SI: variants seen among roughly 807,000 people sequenced by gnomAD.
SI encodes the protein sucrase-isomaltase, intestinal.
Under a neutral mutation model 253.3 loss-of-function variants are expected in SI, and 235 were observed. That is an observed-to-expected ratio of 0.93 (90% confidence interval 0.83 to 1.03). SI has a LOEUF of 1.03. Ranked by LOEUF, SI falls within the 50% of genes least tolerant of loss-of-function variation. SI has a pLI of 0.00. For synonymous variants in SI, 819 were observed against 712.0 expected (o/e 1.15, Z -2.39); for missense variants, 2,442 against 2,211.1 (o/e 1.10, Z -2.09).
intron 22 of SI, among the ~76,000 whole-genome samples, chr3:165,036,186 C>G (rs1486771377): frequency 6.6e-6 from 1 of 151,656 alleles, no homozygotes; most frequent in Non-Finnish European, 1.5e-5. Context: ...AAGCACAAAA[C>G]TGGATATTTT....
At chr3:165,041,940 A>G (rs1009986450) in intron 17 of SI, among the ~76,000 whole-genome samples, 2 of 151,754 alleles carry the variant, frequency 1.3e-5, no homozygotes, top group Non-Finnish European at 2.9e-5. Flanking sequence ...TCCCTGAAGG[A>G]CTCCCCACTC....
intron 37 of SI, among the ~76,000 whole-genome samples, chr3:165,004,366 A>T (rs1718401662): frequency 6.6e-6 from 1 of 152,196 alleles, no homozygotes; most frequent in Non-Finnish European, 1.5e-5. Context: ...GTAAATTCAT[A>T]CAACCACTAT....
intron 37 of SI, among the ~76,000 whole-genome samples, chr3:165,005,500 A>T (rs999992665): frequency 6.6e-6 from 1 of 152,154 alleles, no homozygotes; most frequent in African/African-American, 2.4e-5. Context: ...CTTAAAAAAA[A>T]TCTAAACCCT....
chr3:165,046,324 TGA>T (rs1713111339), intron 16 of SI, among the ~76,000 whole-genome samples: 1 of 152,112 alleles, frequency 6.6e-6, no homozygotes, highest in East Asian at 1.9e-4. Context: ...TGTTTTTGTT[TGA>T]TAGAGTTAGA....
chr3:165,039,772 T>C (rs575233488), intron 19 of SI, 115 bp downstream of exon 19: 1 of 780,464 alleles, frequency 1.3e-6, no homozygotes, highest in African/African-American at 1.7e-5. Flanking sequence ...ACTTGATGTT[T>C]ATCAGCTTGA....
chr3:164,980,690 T>C (rs142155631), intron 47 of SI, among the ~76,000 whole-genome samples: 131 of 152,106 alleles, frequency 8.6e-4, no homozygotes, highest in Admixed American at 3.0e-3. Context: ...TTAAAATTCT[T>C]TGTGAATGTT....
chr3:165,029,783 G>C (rs777746154), intron 25 of SI, among the ~76,000 whole-genome samples: 4 of 150,262 alleles, frequency 2.7e-5, no homozygotes, highest in Non-Finnish European at 4.5e-5. Flanking sequence ...TGAATGCAAA[G>C]GGGAATGGAT....
At chr3:165,000,586 A>G (rs1305867138) in intron 37 of SI, among the ~76,000 whole-genome samples, 2 of 151,576 alleles carry the variant, frequency 1.3e-5, no homozygotes, top group South Asian at 2.1e-4. Flanking sequence ...AAATAAAACT[A>G]TAAAATAAAT....
At chr3:164,992,844 A>G (rs1258459679) in intron 41 of SI, among the ~76,000 whole-genome samples, 1 of 151,924 alleles carries the variant, frequency 6.6e-6, no homozygotes, top group Middle Eastern at 3.2e-3. Context: ...TCTAAATAGT[A>G]GATTTACATG....
intron 17 of SI, among the ~76,000 whole-genome samples, chr3:165,041,421 G>A (rs1175405273): frequency 6.6e-6 from 1 of 151,840 alleles, no homozygotes; most frequent in Non-Finnish European, 1.5e-5. Flanking sequence ...CCTTTATCAT[G>A]GAATGTTGTA....
At chr3:165,019,514 A>G (rs1719199785) in intron 28 of SI, 88 bp downstream of exon 28, 1 of 1,218,722 alleles carries the variant, frequency 8.2e-7, no homozygotes, top group Non-Finnish European at 1.2e-6. Flanking sequence ...CATTACTTCA[A>G]TCCTAAAGCA....
At chr3:165,046,805 A>C (rs543716092) in intron 16 of SI, 36 bp downstream of exon 16, 59 of 1,495,236 alleles carry the variant, frequency 3.9e-5, no homozygotes, top group South Asian at 1.6e-4. Context: ...ATGTAATTGT[A>C]GCTTTTATGA....
intron 28 of SI, among the ~76,000 whole-genome samples, chr3:165,019,158 T>C (rs1478433575): frequency 1.3e-5 from 2 of 151,872 alleles, no homozygotes; most frequent in Non-Finnish European, 2.9e-5. Context: ...AAGATGTAAT[T>C]AGCACTTTGG....
chr3:165,053,419 AG>A (rs1427791037), intron 13 of SI, among the ~76,000 whole-genome samples: 1 of 152,198 alleles, frequency 6.6e-6, no homozygotes, highest in African/African-American at 2.4e-5. Flanking sequence ...AATAATCTGA[AG>A]AAAGTGAAAT....
chr3:165,076,044 G>T, intron 1 of SI, 32 bp from the exon 2 acceptor site: 4 of 1,360,458 alleles, frequency 2.9e-6, no homozygotes, highest in Non-Finnish European at 4.1e-6. Context: ...TATTTAAAAT[G>T]TAAAATATAT....
chr3:165,063,387 GT>G, intron 8 of SI, 54 bp downstream of exon 8: 2 of 833,722 alleles, frequency 2.4e-6, no homozygotes, highest in South Asian at 2.9e-5. Flanking sequence ...AAAGAGAGCA[GT>G]TAAAACATTT....
chr3:165,006,141 G>A (rs1005954200), intron 37 of SI, among the ~76,000 whole-genome samples: 5 of 151,982 alleles, frequency 3.3e-5, no homozygotes, highest in African/African-American at 7.3e-5. Flanking sequence ...AGAGAGTCTC[G>A]CTCTGTTGCC....
Position 165,032,630 on chromosome 3 carries a change from C to A in SI, c.2628G>T (p.Gln876His). Residue 876 changes from glutamine to histidine, a missense_variant, in exon 24 of 48, where the codon CAG becomes CAT. Physicochemically the swap from Gln to His is conservative, Grantham distance 24. Transcript: ENST00000264382. ...CTGTCAACCCAAGGATTTTTACAGT[C>A]TGAAATGCTAAGGTAGTTCCTTCCT... The part of the protein sequence containing the change: ...SYQEGTTLAF[Q>H]TVKILGLTDS... 1 of 1,608,790 alleles carries A rather than the reference C, an allele frequency of 6.2e-7. No homozygotes were observed. The highest frequency in any genetic ancestry group is 1.1e-5 in the South Asian group (1 of 90,932).
intron 9 of SI, among the ~76,000 whole-genome samples, chr3:165,061,479 A>C (rs1053924868): frequency 6.6e-6 from 1 of 152,038 alleles, no homozygotes; most frequent in African/African-American, 2.4e-5. Flanking sequence ...TAAATGATTA[A>C]ACTGCAAAAA....
Sources: gnomAD v4.1 joint callset for allele counts (sites outside exome capture counted in the v4.1 genomes callset) on GRCh38, gnomAD v4.1.1 for gene constraint, MANE v1.5 for transcripts, NCBI Gene and HGNC (gene_info 2026-07-23, HGNC 2026-07-21) for gene names.